Variants in FAM135A observed in about 807,000 individuals in gnomAD.
FAM135A encodes the protein protein FAM135A.
In FAM135A, 79 loss-of-function variants were observed where a neutral mutation model predicts 146.8. The observed-to-expected ratio is 0.54, with a 90% confidence interval of 0.45 to 0.65. FAM135A has a LOEUF of 0.65. Among genes scored for constraint, FAM135A ranks in the 30% least tolerant of loss-of-function variants. The probability of loss-of-function intolerance (pLI) is 0.00; values close to 1 mark genes in which losing one functional copy is unlikely to be tolerated. For missense variants in FAM135A, 1,623 were observed against 1,758.2 expected (o/e 0.92, Z 1.38); for synonymous variants, 562 against 603.6 (o/e 0.93, Z 1.01).
intron 11 of FAM135A, among the ~76,000 whole-genome samples, chr6:70,491,692 T>C (rs1260155192): frequency 2.0e-5 from 3 of 151,914 alleles, no homozygotes; most frequent in Non-Finnish European, 4.4e-5. Flanking sequence ...AAAAAGGTAT[T>C]CTCCTTAGAA....
chr6:70,530,320 T>A (rs555839846), intron 16 of FAM135A, among the ~76,000 whole-genome samples: 2 of 152,118 alleles, frequency 1.3e-5, no homozygotes, highest in African/African-American at 4.8e-5. Context: ...TCTATTTCCT[T>A]AATGTGATTA....
chr6:70,453,635 G>T (rs544918996), intron 5 of FAM135A, among the ~76,000 whole-genome samples: 4 of 150,784 alleles, frequency 2.7e-5, no homozygotes, highest in South Asian at 4.2e-4. Context: ...TCACTGTTCA[G>T]TTCCCACCTA....
At chr6:70,502,582 G>C in intron 11 of FAM135A, 54 bp from the exon 12 acceptor site, 4 of 1,524,542 alleles carry the variant, frequency 2.6e-6, no homozygotes, top group Non-Finnish European at 3.6e-6. Flanking sequence ...TTATATTTAA[G>C]TATGTTACAT....
chr6:70,431,393 C>T (rs1194293536), intron 4 of FAM135A, among the ~76,000 whole-genome samples: 1 of 152,184 alleles, frequency 6.6e-6, no homozygotes, highest in Non-Finnish European at 1.5e-5. Flanking sequence ...AGAGTGGCCT[C>T]AGCTGGGCAG....
At chr6:70,481,840 T>C (rs1203997400) in intron 9 of FAM135A, among the ~76,000 whole-genome samples, 161 bp from the exon 10 acceptor site, 1 of 152,144 alleles carries the variant, frequency 6.6e-6, no homozygotes, top group African/African-American at 2.4e-5. Flanking sequence ...CATGTTTAAA[T>C]TTATTGTATA....
intron 20 of FAM135A, among the ~76,000 whole-genome samples, chr6:70,546,756 C>A (rs943487394): frequency 2.6e-4 from 39 of 152,198 alleles, no homozygotes; most frequent in African/African-American, 8.4e-4. Flanking sequence ...TATAAACATT[C>A]ATTAAATTTT....
chr6:70,468,684 T>G (rs1221196561), intron 5 of FAM135A, among the ~76,000 whole-genome samples: 1 of 152,192 alleles, frequency 6.6e-6, no homozygotes, highest in African/African-American at 2.4e-5. Flanking sequence ...TTACAGTTCT[T>G]GAAATGACAT....
chr6:70,477,309 T>C lies in FAM135A; in HGVS notation c.519T>C (p.Val173=). Residue 173 remains valine, a synonymous_variant, in exon 8 of 22, where the codon GTT becomes GTC. Transcript: ENST00000418814. ...VVSVTVHASL[V]ALHQPLISFP... is the part of the protein sequence containing the mutation. ...CTGTTACAGTTCATGCATCATTGGTTGCACTACACCAGCCACTAATAAGGT... is the reference window on the plus strand; with the variant it reads ...CTGTTACAGTTCATGCATCATTGGTCGCACTACACCAGCCACTAATAAGGT... The C allele has an allele frequency of 6.2e-7, 1 of 1,612,996 alleles. No homozygotes were observed. The highest frequency in any genetic ancestry group is 8.5e-7 in the Non-Finnish European group (1 of 1,179,458).
At chr6:70,423,375 G>T (rs1309667428) in intron 2 of FAM135A, among the ~76,000 whole-genome samples, 3 of 152,196 alleles carry the variant, frequency 2.0e-5, no homozygotes. Context: ...AGGGTATAGA[G>T]TAGGTATAGC....
intron 4 of FAM135A, among the ~76,000 whole-genome samples, chr6:70,437,116 C>G (rs1433169411): frequency 2.0e-5 from 3 of 152,092 alleles, no homozygotes; most frequent in African/African-American, 7.2e-5. Flanking sequence ...GAAAAGTTTT[C>G]TGCATCTCTG....
At chr6:70,503,072 A>G (rs1009911107) in intron 12 of FAM135A, 8 of 183,598 alleles carry the variant, frequency 4.4e-5, no homozygotes, top group African/African-American at 1.4e-4. Context: ...GAACCTAAGA[A>G]TAGGAATTAA....
At chr6:70,493,891 A>G (rs1039169135) in intron 11 of FAM135A, among the ~76,000 whole-genome samples, 6 of 151,980 alleles carry the variant, frequency 3.9e-5, no homozygotes, top group African/African-American at 1.5e-4. Context: ...CATCTCTACT[A>G]AAAATACAAA....
At chr6:70,526,948 G>A (rs1794874453) in intron 15 of FAM135A, among the ~76,000 whole-genome samples, 1 of 151,964 alleles carries the variant, frequency 6.6e-6, no homozygotes, top group African/African-American at 2.4e-5. Context: ...ACCTATAGTT[G>A]CTGAATGATC....
intron 5 of FAM135A, among the ~76,000 whole-genome samples, chr6:70,472,127 A>G (rs1781740450): frequency 6.6e-6 from 1 of 152,180 alleles, no homozygotes; most frequent in Non-Finnish European, 1.5e-5. Flanking sequence ...GTAAGCAACA[A>G]AGAAGCTCCA....
intron 20 of FAM135A, among the ~76,000 whole-genome samples, chr6:70,552,383 G>C (rs533648316): frequency 1.3e-5 from 2 of 151,558 alleles, no homozygotes; most frequent in African/African-American, 4.9e-5. Flanking sequence ...ACTGTTAGCT[G>C]TGTCCTTAGT....
At chr6:70,445,038 T>G (rs1775380675) in intron 4 of FAM135A, among the ~76,000 whole-genome samples, 1 of 152,230 alleles carries the variant, frequency 6.6e-6, no homozygotes, top group Non-Finnish European at 1.5e-5. Context: ...ATAGTGTGCA[T>G]ATTCTTTAAC....
chr6:70,487,104 A>AAAAAAAAAAAG (rs1784838287), intron 10 of FAM135A, among the ~76,000 whole-genome samples: 1 of 151,234 alleles, frequency 6.6e-6, no homozygotes, highest in Admixed American at 6.6e-5. Flanking sequence ...AAAAAAAAAA[A>AAAAAAAAAAAG]AAAAGCTTTA....
At chr6:70,445,372 G>A (rs541161336) in intron 4 of FAM135A, among the ~76,000 whole-genome samples, 8 of 152,234 alleles carry the variant, frequency 5.3e-5, no homozygotes, top group African/African-American at 1.9e-4. Flanking sequence ...TCTTGGTCAG[G>A]GAAACCCTAA....
chr6:70,437,945 T>G (rs1001659426), intron 4 of FAM135A, among the ~76,000 whole-genome samples: 1 of 152,040 alleles, frequency 6.6e-6, no homozygotes, highest in Non-Finnish European at 1.5e-5. Flanking sequence ...CAAGAAAAAA[T>G]TTTTAATCAT....
Sources: allele counts gnomAD v4.1 joint callset (sites outside exome capture counted in the v4.1 genomes callset), GRCh38; gene constraint gnomAD v4.1.1; transcripts MANE v1.5; gene names NCBI Gene and HGNC (gene_info 2026-07-23, HGNC 2026-07-21).